GPBP1: variants seen among roughly 807,000 people sequenced by gnomAD.
GPBP1 encodes the protein vasculin.
A neutral mutation model predicts 56.5 loss-of-function variants in GPBP1; 13 were observed. The observed-to-expected ratio is 0.23, with a 90% CI of 0.15 to 0.37. The LOEUF is 0.37. Ranked by LOEUF, GPBP1 falls within the 10% of genes least tolerant of loss-of-function variation. GPBP1 has a pLI of 1.00. For synonymous variants in GPBP1, 204 were observed against 188.9 expected (o/e 1.08, Z -0.66); for missense variants, 477 against 572.3 (o/e 0.83, Z 1.70).
intron 6 of GPBP1, among the ~76,000 whole-genome samples, chr5:57,241,386 G>A (rs1198581360): frequency 6.6e-6 from 1 of 152,156 alleles, no homozygotes; most frequent in African/African-American, 2.4e-5. Flanking sequence ...ATAGGTATGG[G>A]AAGAGCATGA....
Position 57,231,234 on chromosome 5 carries a change from A to G in GPBP1, c.324A>G (p.Gln108=). 4 of 1,614,196 alleles carry G rather than the reference A, an allele frequency of 2.5e-6. No homozygotes were observed. Among genetic ancestry groups the G allele is most frequent in the South Asian group, 1.1e-5 (1 of 91,084 alleles). Residue 108 remains glutamine, a synonymous_variant, in exon 5 of 12, where the codon CAA becomes CAG. Coordinates refer to ENST00000506184, the MANE Select transcript of GPBP1 (RefSeq NM_022913.4). The stretch of plus-strand genomic sequence containing the variant: ...GTATTTTCCATGCAGGAAAAAGCCA[A>G]GGACTACATGAAAACAACATACCTG... ...RSSIFHAGKS[Q]GLHENNIPDN...
chr5:57,230,670 G>A (rs190331895), intron 3 of GPBP1, 176 bp from the exon 4 acceptor site: 60 of 628,140 alleles, frequency 9.6e-5, no homozygotes, highest in East Asian at 1.4e-4. Context: ...AGAAGAAAAT[G>A]GACCATCGGT....
At chr5:57,183,028 A>G (rs576185544) in intron 2 of GPBP1, among the ~76,000 whole-genome samples, 141 of 152,134 alleles carry the variant, frequency 9.3e-4, no homozygotes, top group South Asian at 1.7e-3. Context: ...TTAAAGCCAT[A>G]TTTCAATTTT....
At chr5:57,251,613 C>T (rs1416232308) in intron 10 of GPBP1, among the ~76,000 whole-genome samples, 24 of 146,026 alleles carry the variant, frequency 1.6e-4, no homozygotes, top group African/African-American at 4.5e-4. Flanking sequence ...CTAGTCCAAT[C>T]TACTTTTTGA....
intron 10 of GPBP1, among the ~76,000 whole-genome samples, chr5:57,253,766 C>T (rs1361441721): frequency 6.6e-6 from 1 of 151,100 alleles, no homozygotes; most frequent in Admixed American, 6.6e-5. Context: ...GTTATGGCTG[C>T]CCCCTTAAAA....
intron 6 of GPBP1, 80 bp from the exon 7 acceptor site, chr5:57,246,220 T>A: frequency 8.9e-7 from 1 of 1,121,692 alleles, no homozygotes; most frequent in African/African-American, 1.6e-5. Flanking sequence ...AAATTTGGAA[T>A]ATACTGTTCT....
intron 2 of GPBP1, among the ~76,000 whole-genome samples, chr5:57,203,581 G>T (rs1273484464): frequency 6.6e-6 from 1 of 152,164 alleles, no homozygotes; most frequent in East Asian, 1.9e-4. Flanking sequence ...GGAGTGGGAT[G>T]TTCCAGTGAC....
chr5:57,217,108 G>T (rs1350171070), intron 3 of GPBP1, among the ~76,000 whole-genome samples: 1 of 152,096 alleles, frequency 6.6e-6, no homozygotes, highest in Non-Finnish European at 1.5e-5. Context: ...TGCTAGAAAT[G>T]GACTTTTTTG....
intron 10 of GPBP1, among the ~76,000 whole-genome samples, chr5:57,255,442 C>T (rs1741614686): frequency 6.6e-6 from 1 of 152,184 alleles, no homozygotes; most frequent in South Asian, 2.1e-4. Context: ...AATTTGCACT[C>T]TCACCAATGA....
chr5:57,191,404 C>CT (rs909115195), intron 2 of GPBP1, among the ~76,000 whole-genome samples: 1 of 151,968 alleles, frequency 6.6e-6, no homozygotes, highest in Non-Finnish European at 1.5e-5. Flanking sequence ...TTGCTCTTAG[C>CT]TTTTTGAAGG....
rs551397793 is a variant in GPBP1 at position 57,178,254 on chromosome 5, CT to C, written c.-58+1861del. Among the ~76,000 whole-genome samples, 3 of 152,064 alleles carry C rather than the reference CT, an allele frequency of 2.0e-5. No homozygotes were observed. In the South Asian group the frequency reaches 6.2e-4, roughly 32 times the overall value. On this transcript the variant is annotated intron_variant, in intron 2 of 11. Coordinates refer to ENST00000506184, the MANE Select transcript of GPBP1 (RefSeq NM_022913.4). Reference sequence around the variant, plus strand: ...TAATATTTATTATTTGTGATTTTTTCTTTTTTTGAGACGGACTCTTGCTCTG... The same window carrying C: ...TAATATTTATTATTTGTGATTTTTTCTTTTTTGAGACGGACTCTTGCTCTG...
In GPBP1 at chr5:57,261,162, ATTTCCTCTCCT is replaced by A. The variant is rs761426242; in HGVS notation, c.1161-13_1161-3del. Reference sequence around the variant, plus strand: ...CAGGGTAAGCTTTACATTAAACTTAATTTCCTCTCCTTTTCAGATTGTTAAAGGAAATGGGC... The same window carrying A: ...CAGGGTAAGCTTTACATTAAACTTAATTTCAGATTGTTAAAGGAAATGGGC... On this transcript the variant is annotated splice_polypyrimidine_tract_variant and splice_region_variant and intron_variant, in intron 10 of 11. Transcript: ENST00000506184. The A allele has an allele frequency of 6.6e-7, 1 of 1,523,628 alleles. No individual in the cohort carries two copies. Among genetic ancestry groups the A allele is most frequent in the Non-Finnish European group, 9.1e-7 (1 of 1,097,968 alleles). 94.4% of individuals were successfully genotyped at this position (1,523,628 alleles called of 1,614,324 possible). A position where few individuals can be genotyped will look rare whatever the true frequency, so the allele number is the denominator to read the frequency against.
intron 2 of GPBP1, among the ~76,000 whole-genome samples, chr5:57,184,926 TTTTA>T (rs1382908576): frequency 1.3e-5 from 2 of 152,232 alleles, no homozygotes; most frequent in African/African-American, 2.4e-5. Flanking sequence ...TTTTATTTCA[TTTTA>T]TTTATTAACT....
At chr5:57,209,281 T>G (rs555551463) in intron 2 of GPBP1, among the ~76,000 whole-genome samples, 1 of 152,256 alleles carries the variant, frequency 6.6e-6, no homozygotes, top group South Asian at 2.1e-4. Context: ...ACTTTTTCCT[T>G]CCCAATTTGG....
chr5:57,248,646 G>T (rs1321858683), intron 8 of GPBP1, among the ~76,000 whole-genome samples: 5 of 151,908 alleles, frequency 3.3e-5, no homozygotes, highest in African/African-American at 1.2e-4. Flanking sequence ...GTTTTAGCCG[G>T]GATGGTCTCG....
intron 6 of GPBP1, among the ~76,000 whole-genome samples, chr5:57,239,641 G>A (rs374063229): frequency 2.0e-5 from 3 of 152,232 alleles, no homozygotes; most frequent in East Asian, 3.9e-4. Flanking sequence ...TTAGCTGGGC[G>A]TGGTACTGTG....
chr5:57,177,031 AAAAG>A (rs1753814837), intron 2 of GPBP1, among the ~76,000 whole-genome samples: 1 of 152,350 alleles, frequency 6.6e-6, no homozygotes, highest in Non-Finnish European at 1.5e-5. Flanking sequence ...TACTTTCAAA[AAAAG>A]AGGGTATTAC....
chr5:57,250,922 CT>C (rs34533194), intron 9 of GPBP1, 31 bp from the exon 10 acceptor site: 106,068 of 1,137,420 alleles, frequency 0.093, 20 homozygotes, highest in South Asian at 0.13. Context: ...AGAACTCATT[CT>C]TTTTTTTTTT....
At chr5:57,249,238 A>T in intron 8 of GPBP1, 171 bp from the exon 9 acceptor site, 1 of 474,494 alleles carries the variant, frequency 2.1e-6, no homozygotes, top group East Asian at 3.3e-5. Context: ...TATTTTGTTG[A>T]CTCATTCAGT....
Sources: gnomAD v4.1 joint callset for allele counts (sites outside exome capture counted in the v4.1 genomes callset) on GRCh38, gnomAD v4.1.1 for gene constraint, MANE v1.5 for transcripts, NCBI Gene and HGNC (gene_info 2026-07-23, HGNC 2026-07-21) for gene names.